MRPS23: variants seen among roughly 807,000 people sequenced by gnomAD.
The protein encoded by MRPS23 is small ribosomal subunit protein mS23.
MRPS23 carries 14 observed loss-of-function variants against 19.8 expected under a neutral mutation model. The ratio of observed to expected loss-of-function variants is 0.71; its 90% confidence interval spans 0.47 to 1.11. The LOEUF is 1.11. Ranked by LOEUF, MRPS23 falls within the 50% of genes least tolerant of loss-of-function variation. The pLI is 0.00. For synonymous variants in MRPS23, 113 were observed against 89.7 expected (o/e 1.26, Z -1.47); for missense variants, 242 against 236.7 (o/e 1.02, Z -0.15).
At position 57,849,239 on chromosome 17, in the gene MRPS23, C is replaced by A. The variant is rs767985986; in HGVS notation, c.215+1G>T. 6.2e-7 allele frequency: 1 copy of A among 1,613,952 alleles called. No homozygotes were observed. The highest frequency in any genetic ancestry group is 8.5e-7 in the Non-Finnish European group (1 of 1,179,956). The stretch of plus-strand genomic sequence containing the variant: ...TGTCCACTACAGGGCTGAGCACTCA[C>A]GCTCTAATCCGATCCTCGTGGTACC... On this transcript the variant is annotated splice_donor_variant, in intron 2 of 4. Coordinates refer to ENST00000313608, the MANE Select transcript of MRPS23 (RefSeq NM_016070.4). LOFTEE classifies it high-confidence loss of function.
intron 2 of MRPS23, among the ~76,000 whole-genome samples, chr17:57,848,177 CT>C (rs2073788772): frequency 6.6e-6 from 1 of 152,036 alleles, no homozygotes; most frequent in Non-Finnish European, 1.5e-5. Context: ...TCCCTTATGC[CT>C]CCCAAAGCAC....
intron 2 of MRPS23, among the ~76,000 whole-genome samples, chr17:57,844,887 T>C (rs1483403333): frequency 6.6e-6 from 1 of 152,130 alleles, no homozygotes; most frequent in East Asian, 1.9e-4. Context: ...AAATGATTTT[T>C]TAAATTTTTT....
rs201526356 is a variant in MRPS23, at chr17:57,841,193, T to G, written c.283A>C (p.Thr95Pro). Reference sequence around the variant, plus strand: ...TATAAAATGGCTTACCGTTGACAGGTAGACTTGAAGTTTGGATTGAATAGA... The same window carrying G: ...TATAAAATGGCTTACCGTTGACAGGGAGACTTGAAGTTTGGATTGAATAGA... ...FDLFNPNFKS[T>P]CQRFVEKYTE... The change falls in exon 3 of 5, where the codon ACC becomes CCC. Residue 95 changes from threonine (T) to proline (P), a missense_variant. Physicochemically the swap from Thr to Pro is conservative, Grantham distance 38 (BLOSUM62 -1). Transcript: ENST00000313608. 1 of 1,614,046 alleles carries G rather than the reference T, an allele frequency of 6.2e-7. No individual in the cohort carries two copies. The highest frequency in any genetic ancestry group is 8.5e-7 in the Non-Finnish European group (1 of 1,180,030).
chr17:57,845,622 T>C (rs1289800316), intron 2 of MRPS23, among the ~76,000 whole-genome samples: 1 of 152,166 alleles, frequency 6.6e-6, no homozygotes, highest in Admixed American at 6.5e-5. Flanking sequence ...CTTACATAAA[T>C]GTATAGGGAT....
chr17:57,842,887 T>TGC (rs879701865), intron 2 of MRPS23, among the ~76,000 whole-genome samples: 3 of 97,540 alleles, frequency 3.1e-5, no homozygotes, highest in African/African-American at 1.3e-4. Flanking sequence ...AAAATATATA[T>TGC]ATATACACAC....
At chr17:57,849,868 C>T in intron 1 of MRPS23, 99 bp downstream of exon 1, 1 of 1,414,546 alleles carries the variant, frequency 7.1e-7, no homozygotes. Context: ...CTGCAATACG[C>T]CTCGCCCTGC....
intron 2 of MRPS23, among the ~76,000 whole-genome samples, chr17:57,841,941 C>T (rs1361852367): frequency 1.3e-5 from 2 of 151,924 alleles, no homozygotes; most frequent in South Asian, 2.1e-4. Flanking sequence ...AATGAGACTC[C>T]GTCTCAAAAA....
At chr17:57,843,352 G>C (rs921106885) in intron 2 of MRPS23, among the ~76,000 whole-genome samples, 4 of 151,714 alleles carry the variant, frequency 2.6e-5, no homozygotes, top group African/African-American at 7.3e-5. Context: ...TAAGAAACCA[G>C]AACTCTTTAT....
intron 2 of MRPS23, among the ~76,000 whole-genome samples, chr17:57,846,934 T>TA (rs200169193): frequency 2.1e-3 from 314 of 150,482 alleles, no homozygotes; most frequent in Non-Finnish European, 3.9e-3. Flanking sequence ...AAATAAAAAA[T>TA]AATAAAAATA....
intron 2 of MRPS23, among the ~76,000 whole-genome samples, chr17:57,845,915 G>T (rs1304703575): frequency 6.6e-6 from 1 of 152,200 alleles, no homozygotes; most frequent in African/African-American, 2.4e-5. Context: ...CCTGGCCCAT[G>T]ACAGTGCTTA....
intron 2 of MRPS23, among the ~76,000 whole-genome samples, 175 bp from the exon 3 acceptor site, chr17:57,841,435 T>C (rs997282712): frequency 6.6e-6 from 1 of 152,150 alleles, no homozygotes; most frequent in African/African-American, 2.4e-5. Flanking sequence ...ATGCACATGG[T>C]AAATACATCA....
rs2073716573 is a variant in MRPS23 at position 57,838,017 on chromosome 17, G to A, written c.*1766C>T. 1 of 151,384 alleles carries A rather than the reference G, an allele frequency of 6.6e-6. No individual in the cohort carries two copies. Among genetic ancestry groups the A allele is most frequent in the South Asian group, 2.1e-4 (1 of 4,792 alleles). The allele number at this position is 151,384 out of a possible 1,614,324, so 9.4% of individuals were successfully genotyped here. On this transcript the variant is annotated 3_prime_UTR_variant, in exon 5 of 5. Coordinates refer to ENST00000313608, the MANE Select transcript of MRPS23 (RefSeq NM_016070.4). ...AAAAAAAAAAATTAAGGCCAGGCAT[G>A]GTGGCTAACACCCGTAATCCCAGCA...
At chr17:57,841,723 G>A (rs2073741640) in intron 2 of MRPS23, among the ~76,000 whole-genome samples, 1 of 152,230 alleles carries the variant, frequency 6.6e-6, no homozygotes. Context: ...CACTTTGGGA[G>A]GCTGAGGCAG....
rs1452914445 is a variant in MRPS23 at position 57,837,339 on chromosome 17, C to T, written c.*2444G>A. 6.6e-6 allele frequency: 1 copy of T among 152,218 alleles called. No individual in the cohort carries two copies. The highest frequency in any genetic ancestry group is 1.5e-5 in the Non-Finnish European group (1 of 68,048). The allele number at this position is 152,218 out of a possible 1,614,324, so 9.4% of individuals were successfully genotyped here. Reference sequence around the variant, plus strand: ...CGAAGATATCAAAACTCAAAATGATCTGCTCCTTGATCCAGCATCCCATAA... The same window carrying T: ...CGAAGATATCAAAACTCAAAATGATTTGCTCCTTGATCCAGCATCCCATAA... On this transcript the variant is annotated 3_prime_UTR_variant, in exon 5 of 5. Transcript: ENST00000313608.
intron 2 of MRPS23, among the ~76,000 whole-genome samples, chr17:57,843,044 G>A (rs537550991): frequency 3.7e-4 from 56 of 151,864 alleles, no homozygotes; most frequent in African/African-American, 1.0e-3. Context: ...GAAGGCCAAG[G>A]CAGGAGGATC....
chr17:57,849,487 G>A, intron 1 of MRPS23, 77 bp from the exon 2 acceptor site: 1 of 1,540,984 alleles, frequency 6.5e-7, no homozygotes, highest in Non-Finnish European at 8.8e-7. Flanking sequence ...AGCACAGTTT[G>A]GGACATTAAA....
chr17:57,845,461 C>A (rs1568016468), intron 2 of MRPS23, among the ~76,000 whole-genome samples: 1 of 152,026 alleles, frequency 6.6e-6, no homozygotes, highest in Non-Finnish European at 1.5e-5. Context: ...GGATGTGTAT[C>A]AAAGTCAATT....
chr17:57,842,913 C>T (rs2073749892), intron 2 of MRPS23, among the ~76,000 whole-genome samples: 5 of 148,122 alleles, frequency 3.4e-5, no homozygotes, highest in African/African-American at 9.9e-5. Flanking sequence ...CACACACACA[C>T]ACACACACAC....
In MRPS23 at chr17:57,849,337, G is replaced by A. The variant is rs762728335; in HGVS notation, c.118C>T (p.Pro40Ser). ...CTTTGGAAGACGGGCTCCCTCAGCG[G>A]GGGAAAGGCGTCATATACGTCAAAC... The part of the protein sequence containing the change: ...LWFDVYDAFP[P>S]LREPVFQRPR... Residue 40 changes from proline to serine, a missense_variant, in exon 2 of 5, where the codon CCG (proline) becomes TCG (serine). Transcript: ENST00000313608. The A allele has an allele frequency of 4.3e-6, 7 of 1,614,204 alleles. No homozygotes were observed. The highest frequency in any genetic ancestry group is 1.6e-4 in the Middle Eastern group (1 of 6,062).
Sources: gnomAD v4.1 joint callset for allele counts (sites outside exome capture counted in the v4.1 genomes callset) on GRCh38, gnomAD v4.1.1 for gene constraint, MANE v1.5 for transcripts, NCBI Gene and HGNC (gene_info 2026-07-23, HGNC 2026-07-21) for gene names.